Variants in KCNN2 observed in about 807,000 individuals in gnomAD.
KCNN2 encodes small conductance calcium-activated potassium channel protein 2.
A neutral mutation model predicts 55.5 loss-of-function variants in KCNN2; 24 were observed. The observed-to-expected ratio is 0.43, with a 90% CI of 0.31 to 0.61. The LOEUF is 0.61. KCNN2 is among the 20% of genes least tolerant of loss of function. KCNN2 has a pLI of 0.08. For missense variants in KCNN2, 754 were observed against 853.6 expected (o/e 0.88, Z 1.45); for synonymous variants, 431 against 336.1 (o/e 1.28, Z -3.09).
chr5:114,322,113 G>A (rs1756626146), intron 2 of KCNN2, among the ~76,000 whole-genome samples: 1 of 152,150 alleles, frequency 6.6e-6, no homozygotes, highest in African/African-American at 2.4e-5. Context: ...TCACAATTAA[G>A]CTGCAAATAA....
intron 2 of KCNN2, among the ~76,000 whole-genome samples, chr5:114,241,717 T>C (rs1754626459): frequency 8.6e-6 from 1 of 115,802 alleles, no homozygotes; most frequent in South Asian, 2.8e-4. Context: ...TATATATATA[T>C]ATACGTATAT....
At chr5:114,078,115 G>A (rs1750723307) in intron 1 of KCNN2, among the ~76,000 whole-genome samples, 1 of 152,112 alleles carries the variant, frequency 6.6e-6, no homozygotes, top group African/African-American at 2.4e-5. Flanking sequence ...AATCAGGGAG[G>A]TCTAGTCATA....
In KCNN2 at chr5:114,464,623, C is replaced by G. The variant is rs750088181; in HGVS notation, c.1779+1433C>G. On this transcript the variant is annotated intron_variant, in intron 4 of 7. Coordinates refer to ENST00000673685, the MANE Select transcript of KCNN2 (RefSeq NM_021614.4). The stretch of plus-strand genomic sequence containing the variant: ...ATAGACAGGCAACATCCTTCTCCCC[C>G]CTCGGTAGTGTTCAACTGGGATAAG... Among the ~76,000 whole-genome samples the G allele has an allele frequency of 1.8e-3, 273 of 152,184 alleles. 1 individual carries two copies. Among genetic ancestry groups the G allele is most frequent in the Non-Finnish European group, 2.4e-3 (166 of 68,020 alleles).
At position 114,486,323 on chromosome 5, in the gene KCNN2, A is replaced by T. The variant is rs1747524167; in HGVS notation, c.1891-727A>T. Among the ~76,000 whole-genome samples the T allele has an allele frequency of 2.6e-5, 4 of 152,188 alleles. No individual in the cohort carries two copies. The South Asian group carries it at 8.3e-4, about 32-fold the overall frequency. ...CAGAATCTGCCCTTGCTGGCCCTTT[A>T]TCAGCTCCCAGGATTTGTTGAAGAC... On this transcript the variant is annotated intron_variant, in intron 5 of 7. Coordinates refer to ENST00000673685, the MANE Select transcript of KCNN2 (RefSeq NM_021614.4).
At chr5:114,364,094 G>A in intron 2 of KCNN2, 93 bp downstream of exon 2, 2 of 882,872 alleles carry the variant, frequency 2.3e-6, no homozygotes, top group Non-Finnish European at 3.7e-6. Flanking sequence ...AAGCCATCAT[G>A]TCCTTGCTTG....
intron 2 of KCNN2, among the ~76,000 whole-genome samples, chr5:114,352,232 T>C (rs1471531152): frequency 6.6e-6 from 1 of 151,768 alleles, no homozygotes; most frequent in Admixed American, 6.6e-5. Flanking sequence ...TCTCTTATAA[T>C]CCTTTTCATT....
intron 2 of KCNN2, among the ~76,000 whole-genome samples, chr5:114,289,797 A>C (rs1200999264): frequency 6.6e-6 from 1 of 152,208 alleles, no homozygotes; most frequent in Non-Finnish European, 1.5e-5. Flanking sequence ...AATCATTAAC[A>C]TGGGAAGTTT....
chr5:114,099,000 A>G (rs980409721), intron 1 of KCNN2, among the ~76,000 whole-genome samples: 5 of 152,146 alleles, frequency 3.3e-5, no homozygotes, highest in African/African-American at 1.2e-4. Context: ...TGTATAACAC[A>G]AAACATTTAT....
At chr5:114,242,091 G>T (rs1362913624) in intron 2 of KCNN2, among the ~76,000 whole-genome samples, 3 of 151,126 alleles carry the variant, frequency 2.0e-5, no homozygotes, top group African/African-American at 7.3e-5. Context: ...AAACACAGTG[G>T]GTTACAGAAG....
At chr5:114,156,997 T>C (rs182818085) in intron 1 of KCNN2, among the ~76,000 whole-genome samples, 5 of 152,124 alleles carry the variant, frequency 3.3e-5, no homozygotes, top group African/African-American at 1.2e-4. Flanking sequence ...GGGATTTCTT[T>C]TTTTTTTAAA....
intron 3 of KCNN2, among the ~76,000 whole-genome samples, chr5:114,435,565 T>G (rs566048681): frequency 3.0e-4 from 45 of 152,172 alleles, no homozygotes; most frequent in Middle Eastern, 3.4e-3. Flanking sequence ...GAAAATCCTT[T>G]AGTTTGATCA....
chr5:114,234,867 T>C (rs1394867007), intron 2 of KCNN2, among the ~76,000 whole-genome samples: 38 of 152,192 alleles, frequency 2.5e-4, no homozygotes, highest in Non-Finnish European at 4.4e-5. Flanking sequence ...TTGAAGATAC[T>C]CTTCATTTGG....
rs1160359146 is a variant in KCNN2 at position 114,252,538 on chromosome 5, A to G, written c.-185+30973A>G. ...TGTTATTATATAAGATGGAGCTTGC[A>G]GTGGAGGGGAAAGAGCAATGAGGCC... On this transcript the variant is annotated intron_variant, in intron 2 of 10. Coordinates refer to the KCNN2 transcript ENST00000512097. Among the ~76,000 whole-genome samples the G allele has an allele frequency of 2.0e-5, 3 of 152,232 alleles. No individual in the cohort carries two copies. The South Asian group carries it at 6.2e-4, about 32-fold the overall frequency.
At chr5:114,404,363 GT>G (rs1758873200) in intron 2 of KCNN2, 74 bp from the exon 3 acceptor site, 2 of 1,218,958 alleles carry the variant, frequency 1.6e-6, no homozygotes, top group African/African-American at 1.5e-5. Context: ...TCTGTTGTGT[GT>G]TTTTAAAATC....
intron 6 of KCNN2, chr5:114,490,825 A>G (rs1428580638): frequency 5.0e-6 from 2 of 397,256 alleles, no homozygotes; most frequent in African/African-American, 2.1e-5. Context: ...ATCCAAAATC[A>G]TGATATTTTC....
chr5:114,452,575 C>G (rs1194516339), intron 3 of KCNN2, among the ~76,000 whole-genome samples: 1 of 152,150 alleles, frequency 6.6e-6, no homozygotes, highest in Non-Finnish European at 1.5e-5. Context: ...TGAAATAAAG[C>G]TAATTGATGG....
In KCNN2 at chr5:114,483,573, G is replaced by T. The variant is rs374417598; in HGVS notation, c.1891-3477G>T. On this transcript the variant is annotated intron_variant, in intron 5 of 7. Coordinates refer to ENST00000673685, the MANE Select transcript of KCNN2 (RefSeq NM_021614.4). ...TTACAAACATGAGCCACAGCACCCA[G>T]CCAGTAGTAGTATATATTTTAGAGC... Among the ~76,000 whole-genome samples the T allele has an allele frequency of 2.6e-5, 4 of 152,138 alleles. No homozygotes were observed. In the East Asian group the frequency reaches 5.8e-4, roughly 22 times the overall value.
intron 1 of KCNN2, among the ~76,000 whole-genome samples, chr5:114,192,594 T>C (rs1753473549): frequency 6.6e-6 from 1 of 152,094 alleles, no homozygotes; most frequent in Admixed American, 6.6e-5. Flanking sequence ...TCTGAGAGGT[T>C]CACCAAAAAG....
chr5:114,147,764 A>G (rs1752428500), intron 1 of KCNN2, among the ~76,000 whole-genome samples: 1 of 152,280 alleles, frequency 6.6e-6, no homozygotes, highest in South Asian at 2.1e-4. Context: ...AATTTTTGAA[A>G]ATCATTTAAG....
Sources: gnomAD v4.1 joint callset for allele counts (sites outside exome capture counted in the v4.1 genomes callset) on GRCh38, gnomAD v4.1.1 for gene constraint, MANE v1.5 for transcripts, NCBI Gene and HGNC (gene_info 2026-07-23, HGNC 2026-07-21) for gene names.